RFC5: variants seen among roughly 807,000 people sequenced by gnomAD.
The protein encoded by RFC5 is A1 36 kDa subunit.
Under a neutral mutation model 44.3 loss-of-function variants are expected in RFC5, and 26 were observed. That is an observed-to-expected ratio of 0.59 (90% CI 0.43 to 0.81). RFC5 has a LOEUF of 0.81. Ranked by LOEUF, RFC5 falls within the 40% of genes least tolerant of loss-of-function variation. The pLI, the probability that RFC5 is intolerant of heterozygous loss-of-function variation, is 0.00. For missense variants in RFC5, 328 were observed against 418.6 expected (o/e 0.78, Z 1.89); for synonymous variants, 155 against 155.2 (o/e 1.00, Z 0.01).
In RFC5 at chr12:118,019,749, T is replaced by C. The variant is rs1268341993; in HGVS notation, c.248T>C (p.Phe83Ser). 6.2e-7 allele frequency: 1 copy of C among 1,613,996 alleles called. No homozygotes were observed. Among genetic ancestry groups the C allele is most frequent in the Non-Finnish European group, 8.5e-7 (1 of 1,179,902 alleles). The change falls in exon 3 of 11, where the codon TTT (phenylalanine) becomes TCT (serine). Residue 83 changes from phenylalanine to serine, a missense_variant. Physicochemically the swap from Phe to Ser is radical, Grantham distance 155 (BLOSUM62 -2). Transcript: ENST00000454402. The surrounding 1 kb of genome is among the most constrained non-coding windows in gnomAD (Gnocchi z 4.2). ...AAACAGCTATATAAAGACAAAGAAT[T>C]TGGCTCCATGGTCTTGGAGGTAAAT... Reference protein sequence around the residue: ...CAKQLYKDKEFGSMVLELNAS... With the variant: ...CAKQLYKDKESGSMVLELNAS...
intron 5 of RFC5, 106 bp downstream of exon 5, chr12:118,022,465 GTTTT>G: frequency 1.3e-6 from 1 of 788,674 alleles, no homozygotes; most frequent in Non-Finnish European, 2.1e-6. Flanking sequence ...GCGGGGGGGA[GTTTT>G]TTTTTCTTTT....
Position 118,026,929 on chromosome 12 carries a change from T to C in RFC5, c.704T>C (p.Val235Ala), listed in dbSNP as rs182518968. Residue 235 changes from valine (V) to alanine (A), a missense_variant, in exon 8 of 11, where the codon GTC (valine) becomes GCC (alanine). By Grantham distance (64) the Val-to-Ala change is moderately conservative (BLOSUM62 0). Coordinates refer to ENST00000454402, the MANE Select transcript of RFC5 (RefSeq NM_007370.7). ...TTTGGGAAGGTGACAGAGGAGACTG[T>C]CTACACCTGCACCGGGCACCCGCTC... Reference protein sequence around the residue: ...MAFGKVTEETVYTCTGHPLKS... With the variant: ...MAFGKVTEETAYTCTGHPLKS... The C allele has an allele frequency of 3.0e-5, 48 of 1,614,082 alleles. No homozygotes were observed. The Admixed American group carries it at 7.3e-4, about 25-fold the overall frequency.
intron 6 of RFC5, 98 bp downstream of exon 6, chr12:118,025,108 C>T (rs1221619296): frequency 8.2e-6 from 10 of 1,216,054 alleles, no homozygotes; most frequent in African/African-American, 7.5e-5. Context: ...TGTTGGAAAA[C>T]GACTTTGCAG....
At chr12:118,039,743 T>A in the RFC5 span, among the ~76,000 whole-genome samples, 22 of 151,886 alleles carry the variant, frequency 1.4e-4, no homozygotes, top group Admixed American at 2.6e-4. Flanking sequence ...ATTTCTTTTT[T>A]ATTTTTTTTT....
chr12:118,017,518 G>A lies in RFC5; in HGVS notation c.65+626G>A, dbSNP rs117736940. On this transcript the variant is annotated intron_variant, in intron 1 of 10. Coordinates refer to ENST00000454402, the MANE Select transcript of RFC5 (RefSeq NM_007370.7). ...TACTCTTAACCATCCTACTTAAACA[G>A]CTATGTTCTCGCAATGCTTCCAAGA... Among the ~76,000 whole-genome samples, 12 of 152,252 alleles carry A rather than the reference G, an allele frequency of 7.9e-5. No homozygotes were observed. In the East Asian group the frequency reaches 2.3e-3, roughly 29 times the overall value.
chr12:118,026,446 A>G (rs927237818), intron 7 of RFC5, among the ~76,000 whole-genome samples: 5 of 152,090 alleles, frequency 3.3e-5, no homozygotes, highest in Non-Finnish European at 4.4e-5. Flanking sequence ...CCACTAAAAA[A>G]TCATGAGCCA....
At chr12:118,029,718 G>T in intron 9 of RFC5, 53 bp from the exon 10 acceptor site, 1 of 1,225,210 alleles carries the variant, frequency 8.2e-7, no homozygotes, top group Non-Finnish European at 1.2e-6. Context: ...TCCTCTGTGG[G>T]TTTTTTGACA....
chr12:118,035,141 A>G (rs1179247242), downstream of RFC5: 4 of 1,612,766 alleles, frequency 2.5e-6, no homozygotes, highest in Non-Finnish European at 2.5e-6. Flanking sequence ...CCAGGGCCAG[A>G]CCAAGAGGGC....
rs2030339859 is a variant in RFC5 at position 118,019,514 on chromosome 12, C to T, written c.131-118C>T. ...ATGAGGCCCCTACATCAAGTTGTAT[C>T]TGCCTCTGATTTGGACATTGAATTG... On this transcript the variant is annotated intron_variant, in intron 2 of 10. Transcript: ENST00000454402. The surrounding 1 kb of genome is among the most constrained non-coding windows in gnomAD (Gnocchi z 4.2). The T allele has an allele frequency of 3.6e-6, 4 of 1,119,956 alleles. No homozygotes were observed. The highest frequency in any genetic ancestry group is 1.6e-5 in the African/African-American group (1 of 64,036). The allele number at this position is 1,119,956 out of a possible 1,614,324, so 69.4% of individuals were successfully genotyped here. A position where few individuals can be genotyped will look rare whatever the true frequency, so the allele number is the denominator to read the frequency against.
chr12:118,040,954 C>T, the RFC5 span, among the ~76,000 whole-genome samples: 1 of 152,250 alleles, frequency 6.6e-6, no homozygotes, highest in Non-Finnish European at 1.5e-5. Flanking sequence ...GAGGCTGAGA[C>T]ACAAGAATGA....
At chr12:118,031,051 G>A (rs2031285666) in intron 10 of RFC5, 131 bp from the exon 11 acceptor site, 1 of 615,060 alleles carries the variant, frequency 1.6e-6, no homozygotes, top group Non-Finnish European at 3.0e-6. Flanking sequence ...TTGCCATCCA[G>A]GGCACATTTG....
chr12:118,039,706 C>A, the RFC5 span, among the ~76,000 whole-genome samples: 1 of 151,842 alleles, frequency 6.6e-6, no homozygotes, highest in East Asian at 1.9e-4. Context: ...TAAGTTTATG[C>A]GGATGTATGG....
rs142229949 is a variant in RFC5, at chr12:118,024,951, C to T, written c.522C>T (p.Phe174=). The change falls in exon 6 of 11, where the codon TTC becomes TTT. Residue 174 remains phenylalanine (F), a synonymous_variant. Transcript: ENST00000454402. ...ALQSRCTRFR[F]GPLTPELMVP... ...AGTCCCGCTGCACGAGGTTTCGGTT[C>T]GGTCCCCTGACTCCTGAACTCATGG... 86 of 1,614,086 alleles carry T rather than the reference C, an allele frequency of 5.3e-5. No individual in the cohort carries two copies. The African/African-American group carries it at 8.1e-4, about 15-fold the overall frequency.
chr12:118,017,665 G>A (rs2030184321), intron 1 of RFC5: 1 of 1,000,602 alleles, frequency 1.0e-6, no homozygotes, highest in Non-Finnish European at 1.3e-6. Flanking sequence ...ACTATTTTAT[G>A]TATTTACGTA....
rs2030438038 is a variant in RFC5 at position 118,020,900 on chromosome 12, A to G, written c.268-6A>G. On this transcript the variant is annotated splice_region_variant and splice_polypyrimidine_tract_variant and intron_variant, in intron 3 of 10. Transcript: ENST00000454402. ...TTTTGTTTTGTCTTCTGTCTTCCAC[A>G]TTTAGCTGAATGCTTCAGATGACCG... The G allele has an allele frequency of 6.2e-7, 1 of 1,602,424 alleles. No individual in the cohort carries two copies. The highest frequency in any genetic ancestry group is 8.5e-7 in the Non-Finnish European group (1 of 1,170,228).
chr12:118,033,877 A>G (rs927257676), downstream of RFC5: 2 of 320,504 alleles, frequency 6.2e-6, no homozygotes, highest in Non-Finnish European at 5.9e-6. Flanking sequence ...TTGCATAATC[A>G]AAACAACATC....
the RFC5 span, among the ~76,000 whole-genome samples, chr12:118,041,277 TAGA>T: frequency 1.3e-5 from 2 of 152,088 alleles, no homozygotes; most frequent in African/African-American, 4.8e-5. Flanking sequence ...TTAGTGCCCT[TAGA>T]AGAAGAGACA....
At chr12:118,016,945 G>T in intron 1 of RFC5, 53 bp downstream of exon 1, 1 of 1,474,642 alleles carries the variant, frequency 6.8e-7, no homozygotes, top group Non-Finnish European at 9.4e-7. Context: ...GCGGCCGCGC[G>T]GGGAGGAGGT....
In RFC5 at chr12:118,031,185, C is replaced by A. The variant is rs779280052; in HGVS notation, c.930C>A (p.Tyr310Ter). The change falls in exon 11 of 11, where the codon TAC becomes TAA. Residue 310 changes from tyrosine to a stop codon, truncating the protein, a stop_gained. Coordinates refer to ENST00000454402, the MANE Select transcript of RFC5 (RefSeq NM_007370.7). LOFTEE classifies it high-confidence loss of function. ...HLLTKMADIE[Y>*]RLSVGTNEKI... is the part of the protein sequence containing the mutation. ...CCCTGTGTTTGGTTTCTGTTAGGTA[C>A]AGGCTTTCTGTTGGCACCAACGAGA... 5 of 1,612,466 alleles carry A rather than the reference C, an allele frequency of 3.1e-6. No homozygotes were observed. Among genetic ancestry groups the A allele is most frequent in the Admixed American group, 1.7e-5 (1 of 59,904 alleles).
Sources: gnomAD v4.1 joint callset for allele counts (sites outside exome capture counted in the v4.1 genomes callset) on GRCh38, gnomAD v4.1.1 for gene constraint, Gnocchi (gnomAD v3.1) non-coding constraint, MANE v1.5 for transcripts, NCBI Gene and HGNC (gene_info 2026-07-23, HGNC 2026-07-21) for gene names.